The following PTPRN2 variants were observed in gnomAD, a reference collection of about 807,000 sequenced individuals.
PTPRN2 encodes the protein receptor-type tyrosine-protein phosphatase N2.
In PTPRN2, 74 loss-of-function variants were observed where a neutral mutation model predicts 118.8. The ratio of observed to expected loss-of-function variants is 0.62; its 90% CI spans 0.52 to 0.76. The LOEUF is 0.76. Among genes scored for constraint, PTPRN2 ranks in the 30% least tolerant of loss-of-function variants. The pLI is 0.00. For missense variants in PTPRN2, 1,481 were observed against 1,394.4 expected, an observed-to-expected ratio of 1.06 and a Z score of -0.99; for synonymous variants, 641 against 608.0, an observed-to-expected ratio of 1.05 and a Z score of -0.80.
rs913789263 is a variant in PTPRN2 at position 157,763,046 on chromosome 7, C to A, written c.1789-80109G>T. On this transcript the variant is annotated intron_variant, in intron 12 of 22. Transcript: ENST00000389418. The surrounding 1 kb of genome is among the most constrained non-coding windows in gnomAD (Gnocchi z 4.9). ...CGCCCACTCACAGTCGGTCACAGGG[C>A]TAACCCTCCATCAGAGCCCACGGCC... 6.6e-5 allele frequency among the ~76,000 whole-genome samples: 10 copies of A among 151,910 alleles called. No individual in the cohort carries two copies. Among genetic ancestry groups the A allele is most frequent in the Non-Finnish European group, 1.5e-5 (1 of 67,960 alleles).
intron 3 of PTPRN2, among the ~76,000 whole-genome samples, chr7:158,311,888 C>T (rs372517257): frequency 9.4e-5 from 14 of 148,170 alleles, no homozygotes; most frequent in African/African-American, 3.2e-4. Context: ...CACACCTGCA[C>T]GTGTAGACAC....
chr7:158,455,820 C>A (rs1818424819), intron 2 of PTPRN2, among the ~76,000 whole-genome samples: 1 of 149,362 alleles, frequency 6.7e-6, no homozygotes, highest in Non-Finnish European at 1.5e-5. Context: ...GGCACAGATG[C>A]CATCGGCCAC....
chr7:158,388,396 G>A (rs929280871), intron 2 of PTPRN2, among the ~76,000 whole-genome samples: 4 of 152,186 alleles, frequency 2.6e-5, no homozygotes, highest in Admixed American at 6.5e-5. Flanking sequence ...AAACTCGGCT[G>A]CCCACAACCT....
chr7:157,852,069 A>G (rs6946060), intron 12 of PTPRN2, among the ~76,000 whole-genome samples: 70,130 of 152,186 alleles, frequency 0.46, 16,869 homozygotes, highest in East Asian at 0.57. Flanking sequence ...CCTTAGAGGC[A>G]GGTCTGTTTG....
intron 3 of PTPRN2, among the ~76,000 whole-genome samples, chr7:158,314,053 C>A (rs1341868139): frequency 6.6e-6 from 1 of 152,116 alleles, no homozygotes; most frequent in African/African-American, 2.4e-5. Context: ...GACAAGGGAG[C>A]TCAGGTGAAC....
chr7:158,415,579 G>C (rs779397721), intron 2 of PTPRN2, among the ~76,000 whole-genome samples: 1 of 152,172 alleles, frequency 6.6e-6, no homozygotes, highest in African/African-American at 2.4e-5. Context: ...AAAGGGTTTA[G>C]AACCATGGGC....
intron 11 of PTPRN2, among the ~76,000 whole-genome samples, chr7:157,976,881 A>C (rs1166156015): frequency 6.6e-6 from 1 of 151,908 alleles, no homozygotes; most frequent in African/African-American, 2.4e-5. Flanking sequence ...GGATATAAAC[A>C]CTTCTGCTTA....
At chr7:158,575,521 G>A (rs1398851954) in intron 1 of PTPRN2, among the ~76,000 whole-genome samples, 1 of 152,146 alleles carries the variant, frequency 6.6e-6, no homozygotes, top group East Asian at 1.9e-4. Context: ...TGTGCCACCA[G>A]GCCCAGCTAA....
chr7:157,573,756 C>T (rs1031450912), intron 19 of PTPRN2, among the ~76,000 whole-genome samples: 1 of 152,190 alleles, frequency 6.6e-6, no homozygotes, highest in African/African-American at 2.4e-5. Context: ...TCCCCACTCC[C>T]GAAACTCCTG....
chr7:158,146,332 T>C (rs986899866), intron 6 of PTPRN2, among the ~76,000 whole-genome samples: 2 of 152,156 alleles, frequency 1.3e-5, no homozygotes, highest in Non-Finnish European at 2.9e-5. Context: ...CAAAGCCCAG[T>C]CTCCGTCCAT....
At position 157,894,916 on chromosome 7, in the gene PTPRN2, G is replaced by A. The variant is rs554104095; in HGVS notation, c.1788+3757C>T. Reference sequence around the variant, plus strand: ...TGGGCAATTGACAGGAAAGTGGATCGGCTGGGACACTGAGGGCAGAACTTC... The same window carrying A: ...TGGGCAATTGACAGGAAAGTGGATCAGCTGGGACACTGAGGGCAGAACTTC... On this transcript the variant is annotated intron_variant, in intron 12 of 22. Coordinates refer to ENST00000389418, the MANE Select transcript of PTPRN2 (RefSeq NM_002847.5). Among the ~76,000 whole-genome samples, 6 of 152,302 alleles carry A rather than the reference G, an allele frequency of 3.9e-5. 1 individual carries two copies. The highest frequency in any genetic ancestry group is 1.3e-4 in the Admixed American group (2 of 15,294).
At chr7:157,851,780 G>C (rs962572926) in intron 12 of PTPRN2, among the ~76,000 whole-genome samples, 6 of 152,320 alleles carry the variant, frequency 3.9e-5, no homozygotes, top group Admixed American at 2.6e-4. Flanking sequence ...TCTCACATGC[G>C]GAATTTGGCA....
At chr7:158,369,290 CAT>C (rs77667953) in intron 2 of PTPRN2, among the ~76,000 whole-genome samples, 2,231 of 41,036 alleles carry the variant, frequency 0.054, 25 homozygotes, top group East Asian at 0.31. Context: ...CACACACACA[CAT>C]ATATATACCT....
chr7:158,323,911 C>T (rs572422023), intron 2 of PTPRN2, among the ~76,000 whole-genome samples: 20 of 152,266 alleles, frequency 1.3e-4, no homozygotes, highest in Admixed American at 9.8e-4. Flanking sequence ...CTCCCATGCA[C>T]GGGACACTCA....
At chr7:157,957,859 T>C (rs1190695618) in intron 11 of PTPRN2, among the ~76,000 whole-genome samples, 1 of 152,288 alleles carries the variant, frequency 6.6e-6, no homozygotes, top group East Asian at 1.9e-4. Context: ...TTCCAAAATA[T>C]TGAAGAGGAA....
intron 3 of PTPRN2, among the ~76,000 whole-genome samples, chr7:158,261,273 G>C (rs1373028937): frequency 6.6e-6 from 1 of 152,124 alleles, no homozygotes; most frequent in Admixed American, 6.5e-5. Flanking sequence ...GAAGCTCCCG[G>C]AAAGATGGGA....
intron 12 of PTPRN2, among the ~76,000 whole-genome samples, chr7:157,853,139 G>A (rs1809415136): frequency 6.6e-6 from 1 of 152,176 alleles, no homozygotes; most frequent in African/African-American, 2.4e-5. Context: ...TGCGATGTGT[G>A]ATTCCTGGTA....
intron 2 of PTPRN2, among the ~76,000 whole-genome samples, chr7:158,331,271 CTGA>C (rs1804376930): frequency 7.2e-6 from 1 of 139,550 alleles, no homozygotes; most frequent in Non-Finnish European, 1.5e-5. Context: ...ACCATAAGAG[CTGA>C]CACCCGCAGA....
intron 2 of PTPRN2, among the ~76,000 whole-genome samples, chr7:158,319,612 T>C (rs1342076005): frequency 6.4e-4 from 3 of 4,662 alleles, no homozygotes; most frequent in African/African-American, 6.6e-4. Context: ...GCCTCCCTTG[T>C]ACACACACAG....
Sources: gnomAD v4.1 joint callset for allele counts (sites outside exome capture counted in the v4.1 genomes callset) on GRCh38, gnomAD v4.1.1 for gene constraint, Gnocchi (gnomAD v3.1) non-coding constraint, MANE v1.5 for transcripts, NCBI Gene and HGNC (gene_info 2026-07-23, HGNC 2026-07-21) for gene names.